Variants in GABRA3 observed in about 807,000 individuals in gnomAD.
GABRA3 encodes the protein gamma-aminobutyric acid type A receptor subunit alpha3.
Under a neutral mutation model 30.1 loss-of-function variants are expected in GABRA3, and 10 were observed. The ratio of observed to expected loss-of-function variants is 0.33; its 90% CI spans 0.20 to 0.56. The LOEUF (loss-of-function observed/expected upper bound fraction) is 0.56, where lower values mean the gene tolerates loss of function less well. Ranked by LOEUF, GABRA3 falls within the 20% of genes least tolerant of loss-of-function variation. The probability of loss-of-function intolerance (pLI) is 0.89; values close to 1 mark genes in which losing one functional copy is unlikely to be tolerated. For missense variants in GABRA3, 233 were observed against 392.0 expected (o/e 0.59, Z 3.42); for synonymous variants, 151 against 146.8 (o/e 1.03, Z -0.21).
chrX:152,191,677 C>T (rs1438603508), intron 8 of GABRA3, among the ~76,000 whole-genome samples: 1 of 109,005 alleles, frequency 9.2e-6, no homozygotes, highest in African/African-American at 3.4e-5. Flanking sequence ...GCTGAAGCCT[C>T]TGGGGCTTCC....
chrX:152,411,457 G>T (rs1435048927), intron 1 of GABRA3, among the ~76,000 whole-genome samples: 1 of 111,393 alleles, frequency 9.0e-6, no homozygotes, highest in Non-Finnish European at 1.9e-5. Flanking sequence ...GAATCAATTG[G>T]GATTACTTTC....
chrX:152,416,747 C>G (rs1246763688), intron 1 of GABRA3, among the ~76,000 whole-genome samples: 1 of 109,925 alleles, frequency 9.1e-6, no homozygotes, highest in African/African-American at 3.4e-5. Context: ...TGATCTTTGA[C>G]AAACCTGAGA....
chrX:152,216,516 A>G (rs1234747683), intron 6 of GABRA3, among the ~76,000 whole-genome samples: 1 of 109,362 alleles, frequency 9.1e-6, no homozygotes, highest in Non-Finnish European at 1.9e-5. Context: ...ATTGCAGGAC[A>G]TTATGTTAAA....
At chrX:152,198,167 T>C (rs186405782) in intron 7 of GABRA3, among the ~76,000 whole-genome samples, 1 of 112,501 alleles carries the variant, frequency 8.9e-6, no homozygotes, top group Non-Finnish European at 1.9e-5. Flanking sequence ...TAGGTACTAT[T>C]GTTATCCTCA....
intron 4 of GABRA3, among the ~76,000 whole-genome samples, chrX:152,272,420 C>T (rs966479796): frequency 1.9e-4 from 21 of 112,532 alleles, no homozygotes; most frequent in Non-Finnish European, 1.1e-4. Flanking sequence ...AATTTCTCCC[C>T]TTTGGAATGG....
At chrX:152,233,280 T>A (rs755672834) in intron 5 of GABRA3, among the ~76,000 whole-genome samples, 14 of 111,232 alleles carry the variant, frequency 1.3e-4, no homozygotes, top group African/African-American at 4.2e-4. Flanking sequence ...CTGATGGTAG[T>A]TTCTTTTGCT....
At chrX:152,371,082 C>G (rs1928825227) in intron 1 of GABRA3, among the ~76,000 whole-genome samples, 1 of 111,070 alleles carries the variant, frequency 9.0e-6, no homozygotes, top group Non-Finnish European at 1.9e-5. Context: ...AAATCCAACT[C>G]TCCATCTACA....
At chrX:152,384,144 T>C (rs745540714) in intron 1 of GABRA3, among the ~76,000 whole-genome samples, 45 of 111,203 alleles carry the variant, frequency 4.0e-4, no homozygotes, top group African/African-American at 1.4e-3. Flanking sequence ...ACAAAAATAA[T>C]ATATTTGGTG....
chrX:152,429,170 T>C (rs1109839), intron 1 of GABRA3, among the ~76,000 whole-genome samples: 18,498 of 109,872 alleles, frequency 0.17, 1,258 homozygotes, highest in African/African-American at 0.27. Flanking sequence ...AAGAAGGAAA[T>C]GCAGGGAAAA....
At chrX:152,240,149 T>C (rs1051754105) in intron 5 of GABRA3, among the ~76,000 whole-genome samples, 2 of 104,181 alleles carry the variant, frequency 1.9e-5, no homozygotes, top group Non-Finnish European at 3.8e-5. Flanking sequence ...TTCCTTTCCA[T>C]GTTTAGCGCT....
chrX:152,212,306 A>ATCC (rs1937637787), intron 6 of GABRA3, among the ~76,000 whole-genome samples: 2 of 77,298 alleles, frequency 2.6e-5, no homozygotes, highest in Non-Finnish European at 4.9e-5. Flanking sequence ...AAAAAAAAAA[A>ATCC]AAAAAAAAAA....
intron 4 of GABRA3, among the ~76,000 whole-genome samples, chrX:152,281,775 T>G (rs756752336): frequency 5.4e-5 from 6 of 112,043 alleles, no homozygotes; most frequent in African/African-American, 9.7e-5. Flanking sequence ...AATGTTTAAT[T>G]TCATCTCAAC....
At chrX:152,321,685 T>C (rs937252078) in intron 3 of GABRA3, among the ~76,000 whole-genome samples, 2 of 111,975 alleles carry the variant, frequency 1.8e-5, no homozygotes, top group Non-Finnish European at 3.8e-5. Context: ...TGTTGCTATG[T>C]AGCATCCCTC....
chrX:152,307,237 A>G (rs1218517772), intron 3 of GABRA3, among the ~76,000 whole-genome samples: 2 of 112,011 alleles, frequency 1.8e-5, no homozygotes, highest in African/African-American at 6.5e-5. Context: ...AAAGTAAAGT[A>G]AAGTAAATTA....
intron 3 of GABRA3, among the ~76,000 whole-genome samples, chrX:152,324,067 T>A (rs1940013741): frequency 1.8e-5 from 2 of 112,355 alleles, no homozygotes; most frequent in African/African-American, 6.5e-5. Flanking sequence ...ATTAATGATT[T>A]AATCCATCAA....
intron 1 of GABRA3, among the ~76,000 whole-genome samples, chrX:152,442,958 C>T (rs749751636): frequency 6.3e-5 from 7 of 111,229 alleles, no homozygotes; most frequent in Non-Finnish European, 1.1e-4. Flanking sequence ...TTCTTAAACA[C>T]GAATTCATCA....
At chrX:152,191,617 C>T (rs768782506) in intron 8 of GABRA3, among the ~76,000 whole-genome samples, 1 of 108,182 alleles carries the variant, frequency 9.2e-6, no homozygotes, top group South Asian at 4.1e-4. Flanking sequence ...CGAAATCAAG[C>T]AGAGAAGGCA....
intron 6 of GABRA3, among the ~76,000 whole-genome samples, chrX:152,218,581 G>A (rs1215553412): frequency 9.0e-6 from 1 of 111,068 alleles, no homozygotes; most frequent in Non-Finnish European, 1.9e-5. Context: ...TATTACTGTT[G>A]AATTGTCTTA....
chrX:152,322,853 T>C lies in GABRA3; in HGVS notation c.262+22728A>G, dbSNP rs1939989289. Among the ~76,000 whole-genome samples the C allele has an allele frequency of 5.0e-5, 4 of 79,713 alleles. No individual in the cohort carries two copies. In the South Asian group the frequency reaches 2.1e-3, roughly 42 times the overall value. The allele number at this position is 79,713 out of a possible 115,157, so 69.2% of individuals were successfully genotyped here. A position where few individuals can be genotyped will look rare whatever the true frequency, so the allele number is the denominator to read the frequency against. ...CAGGCCAAAGTCTACTCTTTTTTTTTTTTTTTTTTTTTTTTTTTGAGACAA... is the reference window on the plus strand; with the variant it reads ...CAGGCCAAAGTCTACTCTTTTTTTTCTTTTTTTTTTTTTTTTTTGAGACAA... On this transcript the variant is annotated intron_variant, in intron 3 of 9. Transcript: ENST00000370314.
Sources: allele counts gnomAD v4.1 joint callset (sites outside exome capture counted in the v4.1 genomes callset), GRCh38; gene constraint gnomAD v4.1.1; transcripts MANE v1.5; gene names NCBI Gene and HGNC (gene_info 2026-07-23, HGNC 2026-07-21).